The following PREX2 variants were observed in gnomAD, a reference collection of about 807,000 sequenced individuals.
PREX2 encodes phosphatidylinositol 3,4,5-trisphosphate-dependent Rac exchanger 2 protein.
Under a neutral mutation model 203.2 loss-of-function variants are expected in PREX2, and 107 were observed. The observed-to-expected ratio is 0.53, with a 90% CI of 0.45 to 0.62. The LOEUF (loss-of-function observed/expected upper bound fraction) is 0.62. PREX2 is among the 20% of genes least tolerant of loss of function. PREX2 has a pLI of 0.00. For missense variants in PREX2, 1,777 were observed against 1,955.9 expected (o/e 0.91, Z 1.72); for synonymous variants, 672 against 663.6 (o/e 1.01, Z -0.19).
intron 6 of PREX2, among the ~76,000 whole-genome samples, chr8:68,035,015 G>C (rs368255767): frequency 3.4e-5 from 5 of 148,940 alleles, no homozygotes; most frequent in African/African-American, 1.0e-4. Flanking sequence ...GAAGTGGAAG[G>C]GGGGAAGGTT....
At chr8:68,027,370 A>G (rs748547547) in intron 5 of PREX2, 47 bp downstream of exon 5, 50 of 1,145,748 alleles carry the variant, frequency 4.4e-5, no homozygotes, top group Non-Finnish European at 6.3e-5. Context: ...GTATCTACAT[A>G]TTTTGCTGAT....
At chr8:68,208,398 C>G (rs569461804) in intron 37 of PREX2, among the ~76,000 whole-genome samples, 1 of 152,004 alleles carries the variant, frequency 6.6e-6, no homozygotes, top group South Asian at 2.1e-4. Context: ...TTAATCCTGA[C>G]CACACCCACT....
chr8:68,217,656 G>T lies in PREX2; in HGVS notation c.4645G>T (p.Ala1549Ser), dbSNP rs773214113. The part of the protein sequence containing the change: ...SVTLEQAIIL[A>S]RSHGLPPRYI... Reference sequence around the variant, plus strand: ...GACGCTGGAGCAAGCCATCATTCTGGCCAGAAGCCACGGACTGCCACCTCG... The same window carrying T: ...GACGCTGGAGCAAGCCATCATTCTGTCCAGAAGCCACGGACTGCCACCTCG... The change falls in exon 38 of 40, where the codon GCC becomes TCC. Residue 1549 changes from alanine (A) to serine (S), a missense_variant. Coordinates refer to ENST00000288368, the MANE Select transcript of PREX2 (RefSeq NM_024870.4). 10 of 1,614,114 alleles carry T rather than the reference G, an allele frequency of 6.2e-6. No homozygotes were observed. In the South Asian group the frequency reaches 1.1e-4, roughly 18 times the overall value.
intron 14 of PREX2, among the ~76,000 whole-genome samples, chr8:68,076,326 A>G (rs1809346388): frequency 6.6e-6 from 1 of 152,018 alleles, no homozygotes; most frequent in Non-Finnish European, 1.5e-5. Flanking sequence ...GTGTGTTGGC[A>G]TGCACCTGCA....
chr8:68,119,424 A>C lies in PREX2; in HGVS notation c.3422-8A>C. On this transcript the variant is annotated splice_polypyrimidine_tract_variant and splice_region_variant and intron_variant, in intron 27 of 39. Transcript: ENST00000288368. ...GGTTTTTGGTTTTGTTTTTGTTTTG[A>C]CATCTAGGTGATGAACTTCCCTTAA... 3 of 1,606,908 alleles carry C rather than the reference A, an allele frequency of 1.9e-6. No individual in the cohort carries two copies. The highest frequency in any genetic ancestry group is 2.6e-6 in the Non-Finnish European group (3 of 1,174,490).
chr8:68,205,429 C>T lies in PREX2; in HGVS notation c.4605-12187C>T, dbSNP rs576121465. Among the ~76,000 whole-genome samples the T allele has an allele frequency of 7.9e-5, 12 of 152,274 alleles. No homozygotes were observed. The South Asian group carries it at 1.7e-3, about 21-fold the overall frequency. The stretch of plus-strand genomic sequence containing the variant: ...CTTGTAGCAATTTTCTCAAGACTTT[C>T]GCTTGTCACCAAAGCCTTGCTCAGG... On this transcript the variant is annotated intron_variant, in intron 37 of 39. Coordinates refer to ENST00000288368, the MANE Select transcript of PREX2 (RefSeq NM_024870.4).
At position 68,108,272 on chromosome 8, in the gene PREX2, T is replaced by A. The variant is rs1202654833; in HGVS notation, c.2879T>A (p.Val960Asp). 4 of 1,613,904 alleles carry A rather than the reference T, an allele frequency of 2.5e-6. No homozygotes were observed. Among genetic ancestry groups the A allele is most frequent in the Non-Finnish European group, 3.4e-6 (4 of 1,179,942 alleles). Residue 960 changes from valine to aspartate, a missense_variant, in exon 24 of 40, where the codon GTT becomes GAT. Val to Asp is a radical substitution (Grantham distance 152). Transcript: ENST00000288368. The part of the protein sequence containing the change: ...TSTSLGSAFG[V>D]QLDSRKHNSH... ...ACCTCTTTGGGAAGTGCATTTGGTGTTCAGTTGGATAGCAGGAAGCATAAT... is the reference window on the plus strand; with the variant it reads ...ACCTCTTTGGGAAGTGCATTTGGTGATCAGTTGGATAGCAGGAAGCATAAT...
At chr8:68,166,669 A>G (rs1476597896) in intron 35 of PREX2, among the ~76,000 whole-genome samples, 2 of 152,222 alleles carry the variant, frequency 1.3e-5, no homozygotes, top group African/African-American at 2.4e-5. Flanking sequence ...GATATCTGAC[A>G]AAATATATTC....
intron 37 of PREX2, among the ~76,000 whole-genome samples, chr8:68,194,627 C>T (rs1046224049): frequency 6.2e-4 from 78 of 125,138 alleles, no homozygotes; most frequent in African/African-American, 2.2e-3. Flanking sequence ...CTCATCTCTA[C>T]TAAAAAAAAA....
At chr8:68,015,592 G>A (rs919679935) in intron 1 of PREX2, among the ~76,000 whole-genome samples, 1 of 152,186 alleles carries the variant, frequency 6.6e-6, no homozygotes, top group Non-Finnish European at 1.5e-5. Flanking sequence ...GTTTATAAAT[G>A]TAGAGGTGAA....
At chr8:68,224,678 C>T (rs1251845737) in intron 39 of PREX2, 52 bp downstream of exon 39, 4 of 1,378,388 alleles carry the variant, frequency 2.9e-6, no homozygotes. Flanking sequence ...CAGCATTTTC[C>T]CCGGCAGTGT....
rs1282199654 is a variant in PREX2, at chr8:68,235,955, T to C, written c.*4577T>C. ...TCGCTGAGAAGAGATACCTGAAGTC[T>C]ACTAAGTCTACTAAATGAGATATAT... is the stretch of plus-strand genomic sequence containing the variant. On this transcript the variant is annotated 3_prime_UTR_variant, in exon 40 of 40. Transcript: ENST00000288368. 6 of 152,200 alleles carry C rather than the reference T, an allele frequency of 3.9e-5. No individual in the cohort carries two copies. The South Asian group carries it at 1.2e-3, about 32-fold the overall frequency. The allele number at this position is 152,200 out of a possible 1,614,324, so 9.4% of individuals were successfully genotyped here. A position where few individuals can be genotyped will look rare whatever the true frequency, so the allele number is the denominator to read the frequency against.
chr8:68,103,466 T>C (rs975278405), intron 23 of PREX2: 1 of 494,400 alleles, frequency 2.0e-6, no homozygotes, highest in South Asian at 1.5e-5. Context: ...TCTTCAGAAA[T>C]TGTTTATTCG....
chr8:68,013,013 T>TACATTTGGGAAGC (rs1807310002), intron 1 of PREX2, among the ~76,000 whole-genome samples: 1 of 152,202 alleles, frequency 6.6e-6, no homozygotes, highest in Admixed American at 6.5e-5. Context: ...ACTAGGGAAA[T>TACATTTGGGAAGC]TAATGCAGTG....
intron 1 of PREX2, among the ~76,000 whole-genome samples, chr8:67,985,352 GATATA>G (rs143746755): frequency 0.049 from 7,492 of 151,924 alleles, 395 homozygotes; most frequent in African/African-American, 0.13. Flanking sequence ...TAATTTTTTT[GATATA>G]ATATAATATT....
chr8:68,094,288 T>C (rs1000911962), intron 21 of PREX2, among the ~76,000 whole-genome samples: 46 of 152,228 alleles, frequency 3.0e-4, no homozygotes, highest in African/African-American at 1.1e-3. Context: ...CTCTAGAAGA[T>C]TCTTTTTTAC....
intron 10 of PREX2, among the ~76,000 whole-genome samples, chr8:68,059,814 T>C (rs1056501535): frequency 6.6e-6 from 1 of 152,184 alleles, no homozygotes; most frequent in Non-Finnish European, 1.5e-5. Context: ...GAAGTCCTTG[T>C]TTCCTTGCTG....
chr8:68,220,955 C>G (rs1812941895), intron 38 of PREX2, among the ~76,000 whole-genome samples: 1 of 152,090 alleles, frequency 6.6e-6, no homozygotes, highest in Non-Finnish European at 1.5e-5. Context: ...TTCCATTGAA[C>G]CCATCACCCA....
chr8:68,064,844 T>C (rs967804365), intron 11 of PREX2, among the ~76,000 whole-genome samples: 3 of 152,186 alleles, frequency 2.0e-5, no homozygotes, highest in Non-Finnish European at 4.4e-5. Flanking sequence ...GGTTGGAAAC[T>C]TGAAATTGGC....
Sources: allele counts gnomAD v4.1 joint callset (sites outside exome capture counted in the v4.1 genomes callset), GRCh38; gene constraint gnomAD v4.1.1; transcripts MANE v1.5; gene names NCBI Gene and HGNC (gene_info 2026-07-23, HGNC 2026-07-21).